The following LRRC7 variants were observed in gnomAD, a reference collection of about 807,000 sequenced individuals.
The protein encoded by LRRC7 is leucine-rich repeat-containing protein 7.
A neutral mutation model predicts 175.7 loss-of-function variants in LRRC7; 23 were observed. The ratio of observed to expected loss-of-function variants is 0.13; its 90% CI spans 0.09 to 0.19. The LOEUF (loss-of-function observed/expected upper bound fraction) is 0.19. LRRC7 is among the 10% of genes least tolerant of loss of function. LRRC7 has a pLI of 1.00. For missense variants in LRRC7, 1,354 were observed against 1,904.7 expected (o/e 0.71, Z 5.38); for synonymous variants, 685 against 680.9 (o/e 1.01, Z -0.09).
chr1:69,860,302 A>G (rs923711646), intron 7 of LRRC7, among the ~76,000 whole-genome samples: 1 of 151,956 alleles, frequency 6.6e-6, no homozygotes, highest in Non-Finnish European at 1.5e-5. Flanking sequence ...AAAGTACTTT[A>G]TATGTATTAA....
rs555212671 is a variant in LRRC7 at position 70,038,201 on chromosome 1, C to T, written c.2377C>T (p.Pro793Ser). 842 of 1,614,140 alleles carry T rather than the reference C, an allele frequency of 5.2e-4. 7 individuals carry two copies. In the South Asian group the frequency reaches 8.9e-3, roughly 17 times the overall value. The change falls in exon 21 of 27, where the codon CCT becomes TCT. Residue 793 changes from proline to serine, a missense_variant. Coordinates refer to ENST00000651989, the MANE Select transcript of LRRC7 (RefSeq NM_001370785.2). ...TCCCCCAGGCAATATACCACAGCGTCCTGACCGGCTGCCCATGAGTGATAC... is the reference window on the plus strand; with the variant it reads ...TCCCCCAGGCAATATACCACAGCGTTCTGACCGGCTGCCCATGAGTGATAC... ...AVPPGNIPQR[P>S]DRLPMSDTFT...
chr1:69,600,795 G>GTTT lies in LRRC7; in HGVS notation c.2+32154_2+32155insTTT, dbSNP rs1557463007. On this transcript the variant is annotated intron_variant, in intron 1 of 26. Transcript: ENST00000651989. The stretch of plus-strand genomic sequence containing the variant: ...ATTAGCCATTTCTCCAAGGATCTCT[G>GTTT]GTTTCTTTTTTTTTTTTTTTTTTTT... 1.8e-3 allele frequency among the ~76,000 whole-genome samples: 7 copies of GTTT among 3,922 alleles called. 2 individuals are homozygous for GTTT. Among genetic ancestry groups the GTTT allele is most frequent in the East Asian group, 0.12 (2 of 16 alleles). The allele number at this position is 3,922 out of a possible 152,430, so 2.6% of individuals were successfully genotyped here.
chr1:69,573,134 A>G (rs912608734), intron 1 of LRRC7, among the ~76,000 whole-genome samples: 2 of 152,078 alleles, frequency 1.3e-5, no homozygotes, highest in South Asian at 2.1e-4. Flanking sequence ...AAATAATCCT[A>G]CAGGAAGCAT....
intron 1 of LRRC7, among the ~76,000 whole-genome samples, chr1:69,618,004 G>A (rs1649957455): frequency 6.6e-6 from 1 of 152,112 alleles, no homozygotes; most frequent in Non-Finnish European, 1.5e-5. Context: ...GGAAGACACT[G>A]GCCCATAACA....
At chr1:69,686,402 C>G (rs1282705250) in intron 2 of LRRC7, among the ~76,000 whole-genome samples, 1 of 152,108 alleles carries the variant, frequency 6.6e-6, no homozygotes, top group African/African-American at 2.4e-5. Flanking sequence ...AACTATAATA[C>G]CATCTGATGT....
At position 70,143,803 on chromosome 1, in the gene LRRC7, G is replaced by A. The variant is rs1353210342; in HGVS notation, c.*21916G>A. Reference sequence around the variant, plus strand: ...ATGGCTGTATTGTAATTAATATTTTGAGATAATTGTGATTTTGAGCTTAAA... The same window carrying A: ...ATGGCTGTATTGTAATTAATATTTTAAGATAATTGTGATTTTGAGCTTAAA... On this transcript the variant is annotated 3_prime_UTR_variant, in exon 27 of 27. Coordinates refer to ENST00000651989, the MANE Select transcript of LRRC7 (RefSeq NM_001370785.2). 2 of 152,054 alleles carry A rather than the reference G, an allele frequency of 1.3e-5. No homozygotes were observed. The highest frequency in any genetic ancestry group is 1.3e-4 in the Admixed American group (2 of 15,254). The allele number at this position is 152,054 out of a possible 1,614,324, so 9.4% of individuals were successfully genotyped here. A position where few individuals can be genotyped will look rare whatever the true frequency, so the allele number is the denominator to read the frequency against.
intron 4 of LRRC7, among the ~76,000 whole-genome samples, chr1:69,814,959 GT>G (rs971301053): frequency 7.2e-5 from 11 of 151,816 alleles, no homozygotes; most frequent in Admixed American, 2.0e-4. Context: ...TTTTTGTGAG[GT>G]TTTTTTTATC....
intron 7 of LRRC7, among the ~76,000 whole-genome samples, chr1:69,850,043 TG>T (rs1246698821): frequency 6.6e-6 from 1 of 151,938 alleles, no homozygotes; most frequent in African/African-American, 2.4e-5. Context: ...TGAGGGTTCA[TG>T]GGGATGTTGG....
chr1:69,930,675 G>A lies in LRRC7; in HGVS notation c.648-832G>A, dbSNP rs112482122. The stretch of plus-strand genomic sequence containing the variant: ...GCTATAAAGAAGTGCTCCAGACTGG[G>A]TAATTTATATAGAAAAGAGGTTTAA... On this transcript the variant is annotated intron_variant, in intron 7 of 26. Transcript: ENST00000651989. Among the ~76,000 whole-genome samples the A allele has an allele frequency of 1.8e-3, 271 of 152,262 alleles. 2 individuals are homozygous for A. The highest frequency in any genetic ancestry group is 6.0e-3 in the African/African-American group (250 of 41,538).
rs555734114 is a variant in LRRC7, at chr1:70,118,099, G to A, written c.4621-3681G>A. ...CACACACACACACACACACGCACAC[G>A]AACAAAAATGCAAAACTCCATTAGT... On this transcript the variant is annotated intron_variant, in intron 26 of 26. Coordinates refer to ENST00000651989, the MANE Select transcript of LRRC7 (RefSeq NM_001370785.2). Among the ~76,000 whole-genome samples, 161 of 148,716 alleles carry A rather than the reference G, an allele frequency of 1.1e-3. 1 individual carries two copies. The highest frequency in any genetic ancestry group is 1.3e-3 in the Non-Finnish European group (84 of 67,022).
intron 1 of LRRC7, among the ~76,000 whole-genome samples, chr1:69,629,311 A>G (rs542148856): frequency 7.2e-4 from 110 of 152,200 alleles, no homozygotes; most frequent in Non-Finnish European, 1.3e-3. Flanking sequence ...GACAGATACC[A>G]CTTTGGCAAC....
At chr1:69,971,600 C>T (rs948258881) in intron 8 of LRRC7, among the ~76,000 whole-genome samples, 10 of 152,104 alleles carry the variant, frequency 6.6e-5, no homozygotes, top group Non-Finnish European at 1.3e-4. Context: ...AACAACAAAA[C>T]ACTGCTGAAA....
At chr1:69,707,131 A>C (rs920073145) in intron 2 of LRRC7, among the ~76,000 whole-genome samples, 1 of 152,144 alleles carries the variant, frequency 6.6e-6, no homozygotes, top group Non-Finnish European at 1.5e-5. Context: ...AATAAAAAAA[A>C]GTTTCTGTAG....
At position 69,794,140 on chromosome 1, in the gene LRRC7, T is replaced by C. The variant is rs1270656500; in HGVS notation, c.421+1980T>C. 7.2e-5 allele frequency among the ~76,000 whole-genome samples: 11 copies of C among 152,306 alleles called. No individual in the cohort carries two copies. The East Asian group carries it at 2.1e-3, about 29-fold the overall frequency. The stretch of plus-strand genomic sequence containing the variant: ...GATTTTCATGAAACACTGTAGCATC[T>C]GAATAAAGAGAGTATTTCATCTGAA... On this transcript the variant is annotated intron_variant, in intron 4 of 26. Transcript: ENST00000651989.
intron 7 of LRRC7, among the ~76,000 whole-genome samples, chr1:69,915,213 C>G (rs904833423): frequency 7.9e-5 from 12 of 151,994 alleles, no homozygotes; most frequent in African/African-American, 2.9e-4. Flanking sequence ...AGAACTATGT[C>G]CAAAATAATC....
At chr1:70,110,239 G>A (rs1367500371) in intron 26 of LRRC7, among the ~76,000 whole-genome samples, 1 of 152,048 alleles carries the variant, frequency 6.6e-6, no homozygotes, top group African/African-American at 2.4e-5. Flanking sequence ...AATTAACCAG[G>A]TGCAGTGGTG....
In LRRC7 at chr1:70,038,231, A is replaced by C. The variant is rs1369094910; in HGVS notation, c.2407A>C (p.Thr803Pro). The C allele has an allele frequency of 6.2e-7, 1 of 1,614,050 alleles. No individual in the cohort carries two copies. Among genetic ancestry groups the C allele is most frequent in the Admixed American group, 1.7e-5 (1 of 59,996 alleles). The change falls in exon 21 of 27, where the codon ACT (threonine) becomes CCT (proline). Residue 803 changes from threonine (T) to proline (P), a missense_variant. Thr to Pro is a conservative substitution (Grantham distance 38). Transcript: ENST00000651989. Reference protein sequence around the residue: ...PDRLPMSDTFTDNWTDGSHYD... With the variant: ...PDRLPMSDTFPDNWTDGSHYD... ...CCGGCTGCCCATGAGTGATACTTTC[A>C]CTGACAACTGGACTGATGGCTCGCA...
intron 1 of LRRC7, among the ~76,000 whole-genome samples, chr1:69,633,140 A>G (rs1049960767): frequency 6.6e-6 from 1 of 152,040 alleles, no homozygotes; most frequent in African/African-American, 2.4e-5. Context: ...TGGAACTATT[A>G]AATCAACAAT....
chr1:69,910,891 C>T (rs1470138895), intron 7 of LRRC7, among the ~76,000 whole-genome samples: 1 of 152,228 alleles, frequency 6.6e-6, no homozygotes, highest in Non-Finnish European at 1.5e-5. Flanking sequence ...CTAATCAAGC[C>T]TGGGCAATGG....
Sources: allele counts gnomAD v4.1 joint callset (sites outside exome capture counted in the v4.1 genomes callset), GRCh38; gene constraint gnomAD v4.1.1; transcripts MANE v1.5; gene names NCBI Gene and HGNC (gene_info 2026-07-23, HGNC 2026-07-21).